FAM178B: variants seen among roughly 807,000 people sequenced by gnomAD.
FAM178B encodes the protein protein FAM178B.
In FAM178B, 82 loss-of-function variants were observed where a neutral mutation model predicts 91.7. That is an observed-to-expected ratio of 0.89 (90% CI 0.75 to 1.07). The LOEUF (loss-of-function observed/expected upper bound fraction) is 1.07, where lower values mean the gene tolerates loss of function less well. FAM178B is among the 50% of genes least tolerant of loss of function. FAM178B has a pLI of 0.00. For missense variants in FAM178B, 769 were observed against 846.7 expected, an observed-to-expected ratio of 0.91 and a Z score of 1.14; for synonymous variants, 368 against 359.4, an observed-to-expected ratio of 1.02 and a Z score of -0.27.
chr2:96,949,487 C>T (rs1197236204), intron 7 of FAM178B, among the ~76,000 whole-genome samples: 3 of 152,178 alleles, frequency 2.0e-5, no homozygotes, highest in Non-Finnish European at 4.4e-5. Flanking sequence ...AGAGGCCAGT[C>T]CTAGGATCCC....
intron 12 of FAM178B, among the ~76,000 whole-genome samples, chr2:96,908,872 G>A (rs1222764786): frequency 6.6e-6 from 1 of 151,492 alleles, no homozygotes; most frequent in Non-Finnish European, 1.5e-5. Context: ...TCTGCTGGGC[G>A]CAGTGGCTCT....
chr2:96,952,496 G>A (rs2081943724), intron 6 of FAM178B, among the ~76,000 whole-genome samples: 2 of 152,254 alleles, frequency 1.3e-5, no homozygotes, highest in Middle Eastern at 3.4e-3. Flanking sequence ...CTCAAAATCG[G>A]CGCTGGTGTG....
At chr2:96,935,410 G>A (rs1018384333) in intron 8 of FAM178B, among the ~76,000 whole-genome samples, 13 of 152,088 alleles carry the variant, frequency 8.5e-5, no homozygotes, top group African/African-American at 3.1e-4. Flanking sequence ...TTACGGCTCA[G>A]CTCCAGGCAA....
chr2:96,939,726 C>T (rs565956432), intron 8 of FAM178B, among the ~76,000 whole-genome samples: 5 of 152,158 alleles, frequency 3.3e-5, no homozygotes, highest in East Asian at 1.9e-4. Context: ...GGAGATGGCA[C>T]GCATTGCACA....
At chr2:96,918,968 A>G (rs1279669040) in intron 12 of FAM178B, among the ~76,000 whole-genome samples, 1 of 151,980 alleles carries the variant, frequency 6.6e-6, no homozygotes, top group Non-Finnish European at 1.5e-5. Flanking sequence ...ATCGATCACG[A>G]CCCTCTCACG....
chr2:96,960,981 A>T (rs1397811047), intron 5 of FAM178B, among the ~76,000 whole-genome samples: 4 of 152,062 alleles, frequency 2.6e-5, no homozygotes, highest in African/African-American at 7.2e-5. Context: ...AAGGAGCCTG[A>T]TTCTCTCTCA....
intron 1 of FAM178B, among the ~76,000 whole-genome samples, chr2:96,982,735 A>ATTTTTTTTT (rs58540459): frequency 7.7e-5 from 4 of 52,232 alleles, no homozygotes; most frequent in Admixed American, 2.6e-4. Context: ...TGCCCAGCTA[A>ATTTTTTTTT]TTTTTTTTTT....
chr2:96,892,653 T>C (rs1333310741), intron 14 of FAM178B, among the ~76,000 whole-genome samples: 4 of 152,196 alleles, frequency 2.6e-5, no homozygotes, highest in African/African-American at 4.8e-5. Flanking sequence ...ACACCTCTGC[T>C]AGGTGAGGCC....
chr2:96,982,737 T>A (rs1283318379), intron 1 of FAM178B, among the ~76,000 whole-genome samples: 154 of 2,344 alleles, frequency 0.066, no homozygotes, highest in African/African-American at 0.17. Flanking sequence ...CCCAGCTAAT[T>A]TTTTTTTTTT....
Position 96,890,357 on chromosome 2 carries a change from G to A in FAM178B, c.1776+3569C>T, listed in dbSNP as rs373661303. Reference sequence around the variant, plus strand: ...TAGCATGTGCCTGTCCCAGCTACTTGGGACGCTGAGGTAGGAGGATCTATT... The same window carrying A: ...TAGCATGTGCCTGTCCCAGCTACTTAGGACGCTGAGGTAGGAGGATCTATT... On this transcript the variant is annotated intron_variant, in intron 14 of 16. Transcript: ENST00000490605. Among the ~76,000 whole-genome samples the A allele has an allele frequency of 9.2e-5, 14 of 152,260 alleles. 1 individual carries two copies. The highest frequency in any genetic ancestry group is 4.6e-4 in the Admixed American group (7 of 15,292).
intron 1 of FAM178B, among the ~76,000 whole-genome samples, chr2:96,976,711 G>T (rs1348316865): frequency 6.6e-6 from 1 of 151,762 alleles, no homozygotes; most frequent in African/African-American, 2.4e-5. Context: ...AGCCAGGTAT[G>T]GTGGTGGGTG....
intron 5 of FAM178B, among the ~76,000 whole-genome samples, chr2:96,965,567 ATCC>A (rs766337467): frequency 4.0e-4 from 61 of 151,838 alleles, no homozygotes; most frequent in Middle Eastern, 3.4e-3. Context: ...GGCTCAAGTG[ATCC>A]TCCTATCTCA....
chr2:96,897,227 T>C (rs1248029457), intron 13 of FAM178B, among the ~76,000 whole-genome samples: 1 of 152,112 alleles, frequency 6.6e-6, no homozygotes, highest in Non-Finnish European at 1.5e-5. Flanking sequence ...ATGTAAACTC[T>C]CTGAGGGCAG....
intron 8 of FAM178B, among the ~76,000 whole-genome samples, chr2:96,930,210 C>CAAAAAAAAAAAAAAAAAAA (rs60102987): frequency 2.5e-5 from 1 of 39,460 alleles, no homozygotes; most frequent in African/African-American, 1.4e-4. Context: ...TCCGTCTCTC[C>CAAAAAAAAAAAAAAAAAAA]AAAAAAAAAA....
chr2:96,931,958 A>C (rs181052577), intron 8 of FAM178B, among the ~76,000 whole-genome samples: 166 of 152,212 alleles, frequency 1.1e-3, no homozygotes, highest in South Asian at 5.2e-3. Context: ...AAGTCTGCAA[A>C]ACACAATGAG....
chr2:96,984,833 A>T (rs2082403698), intron 1 of FAM178B, among the ~76,000 whole-genome samples: 1 of 152,224 alleles, frequency 6.6e-6, no homozygotes, highest in South Asian at 2.1e-4. Context: ...AAAAGGGTGC[A>T]GGCTGAGGTG....
chr2:96,923,078 C>T (rs1433608130), intron 10 of FAM178B, among the ~76,000 whole-genome samples: 2 of 152,194 alleles, frequency 1.3e-5, no homozygotes, highest in Non-Finnish European at 2.9e-5. Context: ...AGGCAATTCT[C>T]CTGTCTCAGC....
rs559767583 is a variant in FAM178B at position 96,923,618 on chromosome 2, C to G, written c.1194-35G>C. 5.2e-5 allele frequency: 79 copies of G among 1,515,864 alleles called. 2 individuals carry two copies. The South Asian group carries it at 9.3e-4, about 18-fold the overall frequency. 93.9% of individuals were successfully genotyped at this position (1,515,864 alleles called of 1,614,324 possible). A position where few individuals can be genotyped will look rare whatever the true frequency, so the allele number is the denominator to read the frequency against. ...GACAACAACAGTGACGATGGGAAAC[C>G]CAGGAGGGGGCACAGGGGCAGGAGT... is the stretch of plus-strand genomic sequence containing the variant. On this transcript the variant is annotated intron_variant, in intron 9 of 16. Transcript: ENST00000490605.
At chr2:96,926,714 G>A (rs1329881484) in intron 9 of FAM178B, among the ~76,000 whole-genome samples, 2 of 152,236 alleles carry the variant, frequency 1.3e-5, no homozygotes, top group Non-Finnish European at 2.9e-5. Context: ...AGCTGCGGAA[G>A]GACTGCATCT....
Sources: allele counts gnomAD v4.1 joint callset (sites outside exome capture counted in the v4.1 genomes callset), GRCh38; gene constraint gnomAD v4.1.1; transcripts MANE v1.5; gene names NCBI Gene and HGNC (gene_info 2026-07-23, HGNC 2026-07-21).